SLC35D4: variants seen among roughly 807,000 people sequenced by gnomAD.
The protein encoded by SLC35D4 is UDP-N-acetylglucosamine transporter SLC35D4.
At chr18:23,267,709 C>T in the SLC35D4 span, among the ~76,000 whole-genome samples, 1 of 152,182 alleles carries the variant, frequency 6.6e-6, no homozygotes, top group African/African-American at 2.4e-5. Context: ...TCCCCTGCCC[C>T]ATCCTCTTTC....
At chr18:23,437,858 A>C in the SLC35D4 span, 10 of 1,611,860 alleles carry the variant, frequency 6.2e-6, no homozygotes, top group Non-Finnish European at 7.6e-6. Flanking sequence ...CACATCTGTC[A>C]ACTCGTCCCC....
chr18:23,323,488 C>T, the SLC35D4 span, among the ~76,000 whole-genome samples: 12 of 152,196 alleles, frequency 7.9e-5, no homozygotes, highest in East Asian at 1.9e-4. Flanking sequence ...GAGCCCTCTA[C>T]GTGACATCAA....
chr18:23,409,552 G>T, the SLC35D4 span, among the ~76,000 whole-genome samples: 27 of 152,220 alleles, frequency 1.8e-4, no homozygotes, highest in African/African-American at 6.0e-4. Flanking sequence ...AAAAATATTA[G>T]GAAAAAGGCT....
At chr18:23,308,330 T>C in the SLC35D4 span, among the ~76,000 whole-genome samples, 1 of 152,022 alleles carries the variant, frequency 6.6e-6, no homozygotes, top group Non-Finnish European at 1.5e-5. Flanking sequence ...TGGCGAACGA[T>C]CTATTCCTGT....
the SLC35D4 span, among the ~76,000 whole-genome samples, chr18:23,409,088 T>C: frequency 6.6e-6 from 1 of 152,034 alleles, no homozygotes; most frequent in Non-Finnish European, 1.5e-5. Flanking sequence ...TTAGCTGAGA[T>C]TGTGCCACTG....
At chr18:23,337,234 G>A in the SLC35D4 span, among the ~76,000 whole-genome samples, 1 of 152,156 alleles carries the variant, frequency 6.6e-6, no homozygotes, top group African/African-American at 2.4e-5. Flanking sequence ...AGCACTTTGG[G>A]AGGCCGAGGC....
the SLC35D4 span, among the ~76,000 whole-genome samples, chr18:23,414,407 T>C: frequency 6.6e-6 from 1 of 151,026 alleles, no homozygotes; most frequent in African/African-American, 2.4e-5. Context: ...GCACGGTGGC[T>C]CATGCCTGTA....
the SLC35D4 span, among the ~76,000 whole-genome samples, chr18:23,387,686 G>A: frequency 5.3e-5 from 8 of 151,768 alleles, no homozygotes; most frequent in African/African-American, 1.5e-4. Flanking sequence ...GTTCTAACTC[G>A]CACTGTTTCA....
the SLC35D4 span, among the ~76,000 whole-genome samples, chr18:23,389,712 T>A: frequency 6.6e-6 from 1 of 152,202 alleles, no homozygotes; most frequent in Non-Finnish European, 1.5e-5. Context: ...CTAATTTTTG[T>A]ATTTTTAGTA....
At chr18:23,285,727 A>G in the SLC35D4 span, among the ~76,000 whole-genome samples, 11 of 151,906 alleles carry the variant, frequency 7.2e-5, no homozygotes, top group Non-Finnish European at 1.3e-4. Flanking sequence ...GCTAAGTCCC[A>G]ATTCTTCCTC....
the SLC35D4 span, among the ~76,000 whole-genome samples, chr18:23,245,633 T>G: frequency 2.0e-5 from 3 of 152,200 alleles, no homozygotes; most frequent in Non-Finnish European, 4.4e-5. Flanking sequence ...CTACTCCCAC[T>G]CTAGCCCTTC....
the SLC35D4 span, chr18:23,370,230 T>A: frequency 6.2e-7 from 1 of 1,609,370 alleles, no homozygotes; most frequent in Non-Finnish European, 8.5e-7. Flanking sequence ...ATGCACTGGG[T>A]TTCTGGGACT....
the SLC35D4 span, among the ~76,000 whole-genome samples, chr18:23,294,664 TG>T: frequency 6.6e-6 from 1 of 151,018 alleles, no homozygotes; most frequent in Admixed American, 6.6e-5. Flanking sequence ...GAGGCTGGGG[TG>T]GGAGGACTGC....
At chr18:23,422,755 C>T in the SLC35D4 span, among the ~76,000 whole-genome samples, 3 of 152,198 alleles carry the variant, frequency 2.0e-5, no homozygotes, top group African/African-American at 7.2e-5. Context: ...TGAAGCTCAC[C>T]TGAGACACAC....
the SLC35D4 span, among the ~76,000 whole-genome samples, chr18:23,380,019 A>G: frequency 5.9e-5 from 9 of 152,054 alleles, no homozygotes; most frequent in Admixed American, 5.2e-4. Flanking sequence ...ATCGCTTAGA[A>G]CCGGGAGGCG....
At chr18:23,332,167 T>C in the SLC35D4 span, among the ~76,000 whole-genome samples, 1 of 152,102 alleles carries the variant, frequency 6.6e-6, no homozygotes, top group Non-Finnish European at 1.5e-5. Flanking sequence ...AGCCCTGGGA[T>C]TACAGGCGTG....
chr18:23,360,073 G>A, the SLC35D4 span, among the ~76,000 whole-genome samples: 1 of 152,182 alleles, frequency 6.6e-6, no homozygotes, highest in East Asian at 1.9e-4. Context: ...AGTGAGTGAG[G>A]AGGGAAGCTC....
At chr18:23,338,199 G>T in the SLC35D4 span, among the ~76,000 whole-genome samples, 1 of 152,250 alleles carries the variant, frequency 6.6e-6, no homozygotes, top group Admixed American at 6.5e-5. Flanking sequence ...CATTGTGAAT[G>T]ATGCATCAAT....
At chr18:23,367,762 T>A in the SLC35D4 span, among the ~76,000 whole-genome samples, 1 of 81,458 alleles carries the variant, frequency 1.2e-5, no homozygotes, top group Non-Finnish European at 3.5e-5. Context: ...CCCTGGATAC[T>A]TTTTTTTTTT....
Sources: allele counts gnomAD v4.1 joint callset (sites outside exome capture counted in the v4.1 genomes callset), GRCh38; gene constraint gnomAD v4.1.1; transcripts MANE v1.5; gene names NCBI Gene and HGNC (gene_info 2026-07-23, HGNC 2026-07-21).